The following MYH1 variants were observed in gnomAD, a reference collection of about 807,000 sequenced individuals.
The protein encoded by MYH1 is myosin heavy chain 1.
Under a neutral mutation model 225.6 loss-of-function variants are expected in MYH1, and 214 were observed. That is an observed-to-expected ratio of 0.95 (90% CI 0.85 to 1.06). MYH1 has a LOEUF of 1.06. Among genes scored for constraint, MYH1 ranks in the 50% least tolerant of loss-of-function variants. The probability of loss-of-function intolerance (pLI) is 0.00; values close to 1 mark genes in which losing one functional copy is unlikely to be tolerated. For synonymous variants in MYH1, 774 were observed against 842.3 expected (o/e 0.92, Z 1.40); for missense variants, 2,098 against 2,344.2 (o/e 0.89, Z 2.17).
At position 10,509,493 on chromosome 17, in the gene MYH1, T is replaced by C. The variant is rs754559329; in HGVS notation, c.1579A>G (p.Ile527Val). The C allele has an allele frequency of 1.2e-6, 2 of 1,613,770 alleles. No homozygotes were observed. Among genetic ancestry groups the C allele is most frequent in the South Asian group, 2.2e-5 (2 of 91,060 alleles). The part of the protein sequence containing the change: ...GMDLAACIEL[I>V]EKPMGIFSIL... ...GCAAAAAGCAAGCCAACCTTCTCGATGAGCTCGATGCAGGCAGCCAGGTCC... is the reference window on the plus strand; with the variant it reads ...GCAAAAAGCAAGCCAACCTTCTCGACGAGCTCGATGCAGGCAGCCAGGTCC... Residue 527 changes from isoleucine (I) to valine (V), a missense_variant, in exon 15 of 40, where the codon ATC becomes GTC. Physicochemically the swap from Ile to Val is conservative, Grantham distance 29. Transcript: ENST00000226207.
rs189235042 is a variant in MYH1, at chr17:10,495,877, A to G, written c.5169+73T>C. The stretch of plus-strand genomic sequence containing the variant: ...TGAAATCTTATAAATAGATTTCTTA[A>G]TAGTACCACGATTTCAGCAAGAATG... On this transcript the variant is annotated intron_variant, in intron 35 of 39. Transcript: ENST00000226207. The G allele has an allele frequency of 3.2e-4, 498 of 1,566,666 alleles. 2 individuals carry two copies. In the African/African-American group the frequency reaches 4.8e-3, roughly 15 times the overall value.
chr17:10,505,526 C>CA lies in MYH1; in HGVS notation c.2175-16dup, dbSNP rs754018796. On this transcript the variant is annotated splice_polypyrimidine_tract_variant and intron_variant, in intron 19 of 39. Coordinates refer to ENST00000226207, the MANE Select transcript of MYH1 (RefSeq NM_005963.4). ...ACACCTTGTATCTGTTTAAGCCAGA[C>CA]AAAAAAATGATATGGCTGTTGCCAC... 7 of 1,605,680 alleles carry CA rather than the reference C, an allele frequency of 4.4e-6. No individual in the cohort carries two copies. Among genetic ancestry groups the CA allele is most frequent in the East Asian group, 2.2e-5 (1 of 44,844 alleles).
intron 17 of MYH1, among the ~76,000 whole-genome samples, chr17:10,507,210 G>A (rs2073121565): frequency 6.6e-6 from 1 of 151,866 alleles, no homozygotes; most frequent in South Asian, 2.1e-4. Flanking sequence ...TTACAGGTGT[G>A]CACCACCATG....
Position 10,500,725 on chromosome 17 carries a change from G to A in MYH1, c.3766C>T (p.Leu1256=), listed in dbSNP as rs1567716990. Residue 1256 remains leucine, a synonymous_variant, in exon 28 of 40, where the codon CTA becomes TTA. Transcript: ENST00000226207. ...TTAATTTCACTCAGTTGATCTTCTA[G>A]AGCGCGGCACATCTTTTCAAGGTTT... The part of the protein sequence containing the change: ...KGNLEKMCRA[L]EDQLSEIKTK... 4.3e-6 allele frequency: 7 copies of A among 1,613,986 alleles called. No individual in the cohort carries two copies. Among genetic ancestry groups the A allele is most frequent in the Non-Finnish European group, 5.9e-6 (7 of 1,179,994 alleles).
At position 10,495,007 on chromosome 17, in the gene MYH1, A is replaced by C. The variant is rs761086840; in HGVS notation, c.5390T>G (p.Leu1797Arg). Reference protein sequence around the residue: ...KKNLEQTVKDLQHRLDEAEQL... With the variant: ...KKNLEQTVKDRQHRLDEAEQL... ...CTCAGCCTCATCCAGACGATGCTGC[A>C]GGTCCTTCACCGTCTGTTCCAGGTT... Residue 1797 changes from leucine to arginine, a missense_variant, in exon 37 of 40, where the codon CTG becomes CGG. Leu to Arg is a moderately radical substitution (Grantham distance 102). Transcript: ENST00000226207. 6.2e-7 allele frequency: 1 copy of C among 1,614,218 alleles called. No homozygotes were observed. The highest frequency in any genetic ancestry group is 2.2e-5 in the East Asian group (1 of 44,884).
In MYH1 at chr17:10,497,350, T is replaced by G. The variant is rs1205773092; in HGVS notation, c.4468A>C (p.Asn1490His). 1 of 1,613,402 alleles carries G rather than the reference T, an allele frequency of 6.2e-7. No homozygotes were observed. The highest frequency in any genetic ancestry group is 8.5e-7 in the Non-Finnish European group (1 of 1,179,886). Residue 1490 changes from asparagine (N) to histidine (H), a missense_variant, in exon 32 of 40, where the codon AAT (asparagine) becomes CAT (histidine). Physicochemically the swap from Asn to His is moderately conservative, Grantham distance 68 (BLOSUM62 1). Coordinates refer to ENST00000226207, the MANE Select transcript of MYH1 (RefSeq NM_005963.4). ...TGGTCTAAAGATTCCTCATAAGCAT[T>G]CTTAATCTTAAATAGTTCTGTGCTG... The part of the protein sequence containing the change: ...SLSTELFKIK[N>H]AYEESLDQLE...
At chr17:10,497,664 G>A in intron 31 of MYH1, 70 bp downstream of exon 31, 1 of 1,585,210 alleles carries the variant, frequency 6.3e-7, no homozygotes, top group Non-Finnish European at 8.6e-7. Flanking sequence ...GGTTTGAATT[G>A]GGCACACTGA....
chr17:10,505,107 A>G (rs372920322), intron 21 of MYH1, 42 bp from the exon 22 acceptor site: 8 of 1,612,740 alleles, frequency 5.0e-6, no homozygotes, highest in Middle Eastern at 1.6e-4. Context: ...TTATAATAAG[A>G]AGCAGAATTA....
chr17:10,497,550 C>T, intron 31 of MYH1, 98 bp from the exon 32 acceptor site: 2 of 1,502,246 alleles, frequency 1.3e-6, no homozygotes, highest in Non-Finnish European at 1.8e-6. Context: ...TGTTCTGGGA[C>T]TGAAAAAAAA....
At position 10,499,087 on chromosome 17, in the gene MYH1, A is replaced by G; in HGVS notation, c.3871T>C (p.Tyr1291His). The change falls in exon 29 of 40, where the codon TAT becomes CAT. Residue 1291 changes from tyrosine (Y) to histidine (H), a missense_variant. Physicochemically the swap from Tyr to His is moderately conservative, Grantham distance 83. Transcript: ENST00000226207. ...RARLQTESGEYSRQLDEKDTL... is the reference protein window; with the variant it reads ...RARLQTESGEHSRQLDEKDTL... ...TCCTTTTCATCTAGCTGGCGTGAAT[A>G]TTCACCTGTAAAAGACCAAGTCCAG... The G allele has an allele frequency of 6.2e-7, 1 of 1,610,586 alleles. No individual in the cohort carries two copies. Among genetic ancestry groups the G allele is most frequent in the South Asian group, 1.1e-5 (1 of 90,812 alleles).
At chr17:10,504,278 C>T (rs1480073626) in intron 22 of MYH1, among the ~76,000 whole-genome samples, 2 of 152,186 alleles carry the variant, frequency 1.3e-5, no homozygotes, top group Non-Finnish European at 2.9e-5. Context: ...TAAAAATAGA[C>T]ATTATCTGTG....
intron 14 of MYH1, 82 bp downstream of exon 14, chr17:10,511,757 G>A: frequency 1.2e-6 from 2 of 1,603,586 alleles, no homozygotes; most frequent in South Asian, 2.2e-5. Context: ...CTTTCCATAA[G>A]TGACTACAGG....
At position 10,503,136 on chromosome 17, in the gene MYH1, T is replaced by G. The variant is rs138643505; in HGVS notation, c.2804A>C (p.Glu935Ala). The change falls in exon 23 of 40, where the codon GAG becomes GCG. Residue 935 changes from glutamate to alanine, a missense_variant. Physicochemically the swap from Glu to Ala is moderately radical, Grantham distance 107. Coordinates refer to ENST00000226207, the MANE Select transcript of MYH1 (RefSeq NM_005963.4). ...EVTERAEDEE[E>A]INAELTAKKR... ...CTTGGCTGTCAGCTCAGCATTGATC[T>G]CTTCCTCATCCTCAGCTCTCTCAGT... 9.5e-5 allele frequency: 153 copies of G among 1,613,862 alleles called. No individual in the cohort carries two copies. In the African/African-American group the frequency reaches 1.8e-3, roughly 19 times the overall value.
Position 10,504,933 on chromosome 17 carries a change from C to T in MYH1, c.2568G>A (p.Met856Ile), listed in dbSNP as rs764002814. 4 of 1,614,126 alleles carry T rather than the reference C, an allele frequency of 2.5e-6. No individual in the cohort carries two copies. The Admixed American group carries it at 6.7e-5, about 27-fold the overall frequency. The change falls in exon 22 of 40, where the codon ATG becomes ATA. Residue 856 changes from methionine to isoleucine, a missense_variant. Coordinates refer to ENST00000226207, the MANE Select transcript of MYH1 (RefSeq NM_005963.4). The part of the protein sequence containing the change: ...SAETEKEMAN[M>I]KEEFEKTKEE... ...CTTTGGTTTTCTCAAATTCTTCCTTCATGTTGGCCATCTCCTTCTCTGTCT... is the reference window on the plus strand; with the variant it reads ...CTTTGGTTTTCTCAAATTCTTCCTTTATGTTGGCCATCTCCTTCTCTGTCT...
In MYH1 at chr17:10,503,227, C is replaced by G. The variant is rs1461968586; in HGVS notation, c.2713G>C (p.Ala905Pro). Reference sequence around the variant, plus strand: ...ATTAGCTGGTCACACCTTTCCTCTGCATCAGCCAAGCTGTCAGCTTCCTGA... The same window carrying G: ...ATTAGCTGGTCACACCTTTCCTCTGGATCAGCCAAGCTGTCAGCTTCCTGA... The part of the protein sequence containing the change: ...VQAEADSLAD[A>P]EERCDQLIKT... Residue 905 changes from alanine to proline, a missense_variant, in exon 23 of 40, where the codon GCA becomes CCA. Ala to Pro is a conservative substitution (Grantham distance 27). Coordinates refer to ENST00000226207, the MANE Select transcript of MYH1 (RefSeq NM_005963.4). The G allele has an allele frequency of 3.1e-6, 5 of 1,614,054 alleles. No individual in the cohort carries two copies. The highest frequency in any genetic ancestry group is 4.2e-6 in the Non-Finnish European group (5 of 1,180,044).
Position 10,509,564 on chromosome 17 carries a change from T to A in MYH1, c.1508A>T (p.Glu503Val), listed in dbSNP as rs751520223. The change falls in exon 15 of 40, where the codon GAG (glutamate) becomes GTG (valine). Residue 503 changes from glutamate (E) to valine (V), a missense_variant. By Grantham distance (121) the Glu-to-Val change is moderately radical. Coordinates refer to ENST00000226207, the MANE Select transcript of MYH1 (RefSeq NM_005963.4). ...NHHMFVLEQE[E>V]YKKEGIEWTF... is the part of the protein sequence containing the mutation. Reference sequence around the variant, plus strand: ...CCACTCAATGCCTTCCTTCTTGTACTCCTCCTGCTCCAGCACGAACATGTG... The same window carrying A: ...CCACTCAATGCCTTCCTTCTTGTACACCTCCTGCTCCAGCACGAACATGTG... 4.0e-5 allele frequency: 64 copies of A among 1,614,096 alleles called. No individual in the cohort carries two copies. The highest frequency in any genetic ancestry group is 5.0e-5 in the Non-Finnish European group (59 of 1,180,038).
At chr17:10,511,662 A>G (rs1597442256) in intron 14 of MYH1, among the ~76,000 whole-genome samples, 177 bp downstream of exon 14, 2 of 152,308 alleles carry the variant, frequency 1.3e-5, no homozygotes, top group South Asian at 4.1e-4. Context: ...GGTCTGTCTC[A>G]TTCCAAAGTT....
chr17:10,498,718 T>C lies in MYH1; in HGVS notation c.4089A>G (p.Arg1363=). ...EEQEAKAELQ[R]AMSKANSEVA... Reference sequence around the variant, plus strand: ...CCTCACTGTTGGCCTTGGACATTGCTCTCTGTAGCTCGGCCTTGGCTTCCT... The same window carrying C: ...CCTCACTGTTGGCCTTGGACATTGCCCTCTGTAGCTCGGCCTTGGCTTCCT... The change falls in exon 30 of 40, where the codon AGA becomes AGG. Residue 1363 remains arginine, a synonymous_variant. Transcript: ENST00000226207. The C allele has an allele frequency of 6.2e-7, 1 of 1,614,114 alleles. No homozygotes were observed. Among genetic ancestry groups the C allele is most frequent in the Non-Finnish European group, 8.5e-7 (1 of 1,179,938 alleles).
Position 10,500,730 on chromosome 17 carries a change from C to T in MYH1, c.3761G>A (p.Arg1254His), listed in dbSNP as rs764602423. Reference sequence around the variant, plus strand: ...TTCACTCAGTTGATCTTCTAGAGCGCGGCACATCTTTTCAAGGTTTCCCTG... The same window carrying T: ...TTCACTCAGTTGATCTTCTAGAGCGTGGCACATCTTTTCAAGGTTTCCCTG... ...KAKGNLEKMC[R>H]ALEDQLSEIK... Residue 1254 changes from arginine (R) to histidine (H), a missense_variant, in exon 28 of 40, where the codon CGC (arginine) becomes CAC (histidine). Arg to His is a conservative substitution (Grantham distance 29, BLOSUM62 0). Transcript: ENST00000226207. 174 of 1,614,026 alleles carry T rather than the reference C, an allele frequency of 1.1e-4. 1 individual carries two copies. The highest frequency in any genetic ancestry group is 1.1e-3 in the South Asian group (97 of 91,078).
Sources: allele counts gnomAD v4.1 joint callset (sites outside exome capture counted in the v4.1 genomes callset), GRCh38; gene constraint gnomAD v4.1.1; transcripts MANE v1.5; gene names NCBI Gene and HGNC (gene_info 2026-07-23, HGNC 2026-07-21).